The following ECT2L variants were observed in gnomAD, a reference collection of about 807,000 sequenced individuals.
The protein encoded by ECT2L is epithelial cell transforming 2 like.
A neutral mutation model predicts 122.8 loss-of-function variants in ECT2L; 126 were observed. That is an observed-to-expected ratio of 1.03 (90% CI 0.89 to 1.19). The LOEUF is 1.19. Ranked by LOEUF, ECT2L falls within the 50% of genes most tolerant of loss-of-function variation. The pLI is 0.00. For synonymous variants in ECT2L, 385 were observed against 381.8 expected (o/e 1.01, Z -0.10); for missense variants, 1,012 against 1,064.1 (o/e 0.95, Z 0.68).
At chr6:138,812,203 C>T (rs371094040) in intron 1 of ECT2L, among the ~76,000 whole-genome samples, 1 of 152,166 alleles carries the variant, frequency 6.6e-6, no homozygotes, top group Admixed American at 6.5e-5. Context: ...CTACTGACAT[C>T]TTAATCTTGG....
intron 20 of ECT2L, among the ~76,000 whole-genome samples, chr6:138,893,935 T>C (rs1200417595): frequency 2.6e-5 from 4 of 152,244 alleles, no homozygotes; most frequent in African/African-American, 7.2e-5. Context: ...CAGCCTATCA[T>C]TCCAGCTTTT....
intron 15 of ECT2L, 143 bp downstream of exon 15, chr6:138,881,314 C>T: frequency 1.2e-6 from 1 of 804,630 alleles, no homozygotes; most frequent in Non-Finnish European, 2.0e-6. Context: ...ATCCTCATCA[C>T]ATTACCTACC....
intron 1 of ECT2L, among the ~76,000 whole-genome samples, chr6:138,809,076 G>A (rs911081): frequency 0.74 from 112,491 of 152,126 alleles, 42,048 homozygotes; most frequent in East Asian, 0.9. Context: ...GGTTTATCAC[G>A]TTGGAAAGAC....
At chr6:138,845,265 C>T (rs1185553885) in intron 7 of ECT2L, among the ~76,000 whole-genome samples, 4 of 139,912 alleles carry the variant, frequency 2.9e-5, no homozygotes, top group Admixed American at 2.2e-4. Context: ...TTTTTTGAGA[C>T]GGAGTCTCAC....
rs913492781 is a variant in ECT2L, at chr6:138,838,589, C to T, written c.342+75C>T. On this transcript the variant is annotated intron_variant, in intron 5 of 21. Transcript: ENST00000541398. ...CTGTAATGAGGCTACTGGGGTAGCTCCCGTCCCTGAAGACAATAGCTGAGG... is the reference window on the plus strand; with the variant it reads ...CTGTAATGAGGCTACTGGGGTAGCTTCCGTCCCTGAAGACAATAGCTGAGG... 5.6e-6 allele frequency: 8 copies of T among 1,432,398 alleles called. No homozygotes were observed. In the South Asian group the frequency reaches 1.2e-4, roughly 22 times the overall value. The allele number at this position is 1,432,398 out of a possible 1,614,324, so 88.7% of individuals were successfully genotyped here.
At chr6:138,846,783 T>G (rs1262460330) in intron 8 of ECT2L, 106 bp downstream of exon 8, 1 of 1,244,350 alleles carries the variant, frequency 8.0e-7, no homozygotes, top group Non-Finnish European at 1.1e-6. Flanking sequence ...ACCATGTGTA[T>G]GAAAAATGAT....
chr6:138,798,228 C>A (rs946310052), intron 1 of ECT2L, among the ~76,000 whole-genome samples: 1 of 152,144 alleles, frequency 6.6e-6, no homozygotes, highest in Admixed American at 6.5e-5. Context: ...CATCATTGGC[C>A]ATTGGTGATC....
At chr6:138,858,326 G>GC (rs1223936555) in intron 10 of ECT2L, among the ~76,000 whole-genome samples, 1 of 151,920 alleles carries the variant, frequency 6.6e-6, no homozygotes, top group Non-Finnish European at 1.5e-5. Flanking sequence ...TGCCTCCCCA[G>GC]CTCCAAACCT....
At chr6:138,847,400 TCA>T (rs1777266144) in intron 8 of ECT2L, among the ~76,000 whole-genome samples, 1 of 118,986 alleles carries the variant, frequency 8.4e-6, no homozygotes, top group South Asian at 3.4e-4. Context: ...AGATGGAGTC[TCA>T]CTCTGTCGCC....
chr6:138,882,871 G>A lies in ECT2L; in HGVS notation c.2028G>A (p.Lys676=), dbSNP rs780268645. 1.3e-5 allele frequency: 21 copies of A among 1,594,974 alleles called. No homozygotes were observed. Among genetic ancestry groups the A allele is most frequent in the Non-Finnish European group, 1.7e-5 (20 of 1,173,160 alleles). ...NYPVILKTIE[K]CREMIPAFRT... The stretch of plus-strand genomic sequence containing the variant: ...CTGTCATTCTGAAAACTATTGAGAA[G>A]GTAAATGAGTTTCAATTCCATCATT... The change falls in exon 16 of 22, where the codon AAG becomes AAA. Residue 676 remains lysine, a splice_region_variant and synonymous_variant. Coordinates refer to ENST00000541398, the MANE Select transcript of ECT2L (RefSeq NM_001077706.3).
intron 4 of ECT2L, among the ~76,000 whole-genome samples, chr6:138,818,422 G>A (rs920510010): frequency 6.6e-6 from 1 of 152,152 alleles, no homozygotes; most frequent in Admixed American, 6.5e-5. Context: ...GCTGTGATCT[G>A]TGAGGCAATC....
intron 13 of ECT2L, among the ~76,000 whole-genome samples, chr6:138,871,362 A>G (rs374131440): frequency 2.6e-5 from 4 of 152,216 alleles, no homozygotes; most frequent in African/African-American, 7.2e-5. Context: ...TTGTTGCCCT[A>G]TTAACCTGAT....
intron 13 of ECT2L, among the ~76,000 whole-genome samples, chr6:138,875,983 TG>T (rs1248118671): frequency 6.6e-6 from 1 of 151,932 alleles, no homozygotes; most frequent in African/African-American, 2.4e-5. Flanking sequence ...TAGTGGGGCG[TG>T]GTAGTGGGCC....
At chr6:138,798,126 C>T (rs1192174558) in intron 1 of ECT2L, among the ~76,000 whole-genome samples, 1 of 152,200 alleles carries the variant, frequency 6.6e-6, no homozygotes, top group Admixed American at 6.5e-5. Context: ...CATGCCTTCT[C>T]AGCCCCTCCA....
chr6:138,882,697 C>T (rs1190580742), intron 15 of ECT2L, 27 bp from the exon 16 acceptor site: 2 of 1,609,020 alleles, frequency 1.2e-6, no homozygotes, highest in Non-Finnish European at 1.7e-6. Context: ...GTGAATATTT[C>T]ATGCTTATGC....
At chr6:138,798,713 G>A (rs1337358952) in intron 1 of ECT2L, among the ~76,000 whole-genome samples, 1 of 152,170 alleles carries the variant, frequency 6.6e-6, no homozygotes. Flanking sequence ...AAATACATCC[G>A]TAGCAGTTGT....
At chr6:138,840,578 T>A (rs1396249553) in intron 5 of ECT2L, among the ~76,000 whole-genome samples, 1 of 123,336 alleles carries the variant, frequency 8.1e-6, no homozygotes, top group African/African-American at 2.9e-5. Flanking sequence ...AAATTCTAGG[T>A]TGGCAGCTAA....
chr6:138,866,015 T>C (rs1172145697), intron 12 of ECT2L, among the ~76,000 whole-genome samples: 1 of 152,256 alleles, frequency 6.6e-6, no homozygotes, highest in African/African-American at 2.4e-5. Flanking sequence ...TATATCTCTT[T>C]ACATAAATGC....
chr6:138,811,259 G>C (rs1386138913), intron 1 of ECT2L, among the ~76,000 whole-genome samples: 2 of 152,206 alleles, frequency 1.3e-5, no homozygotes, highest in Non-Finnish European at 2.9e-5. Flanking sequence ...CCAGCCAACA[G>C]CTGGTGAGCA....
Sources: gnomAD v4.1 joint callset for allele counts (sites outside exome capture counted in the v4.1 genomes callset) on GRCh38, gnomAD v4.1.1 for gene constraint, MANE v1.5 for transcripts, NCBI Gene and HGNC (gene_info 2026-07-23, HGNC 2026-07-21) for gene names.